The following CDH13 variants were observed in gnomAD, a reference collection of about 807,000 sequenced individuals.
The protein encoded by CDH13 is cadherin 13, also known as cadherin-13.
CDH13 carries 24 observed loss-of-function variants against 63.8 expected under a neutral mutation model. That is an observed-to-expected ratio of 0.38 (90% CI 0.27 to 0.53). CDH13 has a LOEUF of 0.53. Ranked by LOEUF, CDH13 falls within the 20% of genes least tolerant of loss-of-function variation. The pLI is 0.85. For missense variants in CDH13, 1,049 were observed against 903.1 expected, an observed-to-expected ratio of 1.16 and a Z score of -2.07; for synonymous variants, 503 against 355.3, an observed-to-expected ratio of 1.42 and a Z score of -4.67.
rs150212893 is a variant in CDH13, at chr16:83,218,995, A to G, written c.636+1498A>G. The stretch of plus-strand genomic sequence containing the variant: ...CCATGATTGTGAGGCCTCCCCAGCC[A>G]TGTGGAACTGTGAGTTCATTAAATC... On this transcript the variant is annotated intron_variant, in intron 5 of 13. Transcript: ENST00000567109. Among the ~76,000 whole-genome samples, 655 of 152,262 alleles carry G rather than the reference A, an allele frequency of 4.3e-3. 3 individuals carry two copies. The highest frequency in any genetic ancestry group is 0.014 in the African/African-American group (586 of 41,544).
chr16:83,247,837 G>C (rs1464520496), intron 5 of CDH13, among the ~76,000 whole-genome samples: 2 of 152,186 alleles, frequency 1.3e-5, no homozygotes, highest in African/African-American at 4.8e-5. Flanking sequence ...ATATCATCTA[G>C]TGAGTCAGAG....
At chr16:82,929,106 G>A (rs1013017954) in intron 2 of CDH13, among the ~76,000 whole-genome samples, 7 of 152,056 alleles carry the variant, frequency 4.6e-5, no homozygotes, top group African/African-American at 9.7e-5. Context: ...TAAAAAATAT[G>A]CTATCATTCC....
intron 6 of CDH13, among the ~76,000 whole-genome samples, chr16:83,346,608 G>T (rs2090845206): frequency 6.6e-6 from 1 of 152,130 alleles, no homozygotes; most frequent in South Asian, 2.1e-4. Flanking sequence ...TATTATGTGT[G>T]TATATGATTA....
At chr16:83,379,938 T>TAGAG (rs71148831) in intron 6 of CDH13, among the ~76,000 whole-genome samples, 15,424 of 123,322 alleles carry the variant, frequency 0.13, 1,086 homozygotes, top group South Asian at 0.19. Context: ...TATATATATA[T>TAGAG]AGAGAGAGAG....
intron 1 of CDH13, among the ~76,000 whole-genome samples, chr16:82,796,712 C>G (rs917598663): frequency 6.6e-6 from 1 of 152,222 alleles, no homozygotes; most frequent in Non-Finnish European, 1.5e-5. Context: ...AAGATGGATT[C>G]TTGGAGCTTC....
At chr16:83,375,897 G>A (rs964208557) in intron 6 of CDH13, among the ~76,000 whole-genome samples, 1 of 152,162 alleles carries the variant, frequency 6.6e-6, no homozygotes. Flanking sequence ...GAAAGGCCAT[G>A]ATACAGGTGT....
intron 2 of CDH13, among the ~76,000 whole-genome samples, chr16:83,026,881 C>T (rs1281780816): frequency 6.6e-6 from 1 of 152,148 alleles, no homozygotes; most frequent in Non-Finnish European, 1.5e-5. Context: ...GGCACCACCT[C>T]TGACTTCACC....
intron 5 of CDH13, among the ~76,000 whole-genome samples, chr16:83,310,857 C>T (rs959335132): frequency 2.6e-5 from 4 of 152,178 alleles, no homozygotes; most frequent in Non-Finnish European, 4.4e-5. Context: ...AGGAACCCTC[C>T]TAACAAACCC....
intron 6 of CDH13, among the ~76,000 whole-genome samples, chr16:83,433,071 C>A (rs1184397461): frequency 6.6e-6 from 1 of 152,150 alleles, no homozygotes; most frequent in South Asian, 2.1e-4. Context: ...TGTCATGCTT[C>A]TGGGGAATGA....
intron 2 of CDH13, among the ~76,000 whole-genome samples, chr16:83,027,101 G>A (rs1455324862): frequency 8.4e-6 from 1 of 118,558 alleles, no homozygotes; most frequent in Non-Finnish European, 1.7e-5. Context: ...ACAGAAGGGA[G>A]ACCCCCCCCC....
rs375949193 is a variant in CDH13, at chr16:83,380,290, G to A, written c.781+35284G>A. On this transcript the variant is annotated intron_variant, in intron 6 of 13. Coordinates refer to ENST00000567109, the MANE Select transcript of CDH13 (RefSeq NM_001257.5). The stretch of plus-strand genomic sequence containing the variant: ...GGCAATTCCAGATGGTGGGTGTGCT[G>A]ATTTTCATACTATTGTTCTTTGTGC... Among the ~76,000 whole-genome samples the A allele has an allele frequency of 2.5e-4, 38 of 152,256 alleles. No individual in the cohort carries two copies. The East Asian group carries it at 5.4e-3, about 22-fold the overall frequency.
At chr16:83,111,625 A>G (rs1326900577) in intron 3 of CDH13, among the ~76,000 whole-genome samples, 6 of 152,218 alleles carry the variant, frequency 3.9e-5, no homozygotes, top group Non-Finnish European at 8.8e-5. Context: ...AGGGAGTGTC[A>G]TAATTACATT....
At chr16:83,562,426 C>T (rs2075725406) in intron 7 of CDH13, among the ~76,000 whole-genome samples, 1 of 152,202 alleles carries the variant, frequency 6.6e-6, no homozygotes, top group Non-Finnish European at 1.5e-5. Flanking sequence ...AGGCAATTGT[C>T]TCAATCGGAT....
Position 83,215,893 on chromosome 16 carries a change from T to G in CDH13, c.484-1452T>G, listed in dbSNP as rs1177555278. 2.0e-5 allele frequency among the ~76,000 whole-genome samples: 3 copies of G among 152,158 alleles called. No individual in the cohort carries two copies. The East Asian group carries it at 5.8e-4, about 29-fold the overall frequency. On this transcript the variant is annotated intron_variant, in intron 4 of 13. Coordinates refer to ENST00000567109, the MANE Select transcript of CDH13 (RefSeq NM_001257.5). ...ACGTTTGAAGGTTCTGATGATAAAG[T>G]GACATAAATATAGATGAATACTTGA...
chr16:83,788,015 G>T lies in CDH13; in HGVS notation c.2134+4543G>T, dbSNP rs143219529. 3.3e-5 allele frequency among the ~76,000 whole-genome samples: 5 copies of T among 152,338 alleles called. No homozygotes were observed. In the East Asian group the frequency reaches 9.6e-4, roughly 29 times the overall value. On this transcript the variant is annotated intron_variant, in intron 13 of 13. Transcript: ENST00000567109. ...TAAATCGGAGAGCAGTACTTCCTAT[G>T]TGATTGCAAAGAGATAAAAATTCTA...
intron 2 of CDH13, among the ~76,000 whole-genome samples, chr16:83,024,171 G>C (rs1915595383): frequency 6.6e-6 from 1 of 152,170 alleles, no homozygotes; most frequent in Non-Finnish European, 1.5e-5. Context: ...CATTTCCAGA[G>C]GGTACAACAA....
intron 3 of CDH13, among the ~76,000 whole-genome samples, chr16:83,124,970 C>A (rs1336082340): frequency 2.0e-5 from 3 of 152,142 alleles, no homozygotes; most frequent in Non-Finnish European, 4.4e-5. Flanking sequence ...TAACTTAGTT[C>A]TTTTCACTTA....
chr16:82,690,164 CAAAAAAAA>C (rs35051579), intron 1 of CDH13, among the ~76,000 whole-genome samples: 5 of 52,040 alleles, frequency 9.6e-5, no homozygotes, highest in Non-Finnish European at 1.7e-4. Flanking sequence ...AACTCTGTCT[CAAAAAAAA>C]AAAAAAAAAA....
At chr16:83,002,937 G>C (rs147688394) in intron 2 of CDH13, among the ~76,000 whole-genome samples, 10 of 152,158 alleles carry the variant, frequency 6.6e-5, no homozygotes, top group Non-Finnish European at 1.3e-4. Flanking sequence ...TATCTATTGA[G>C]CATGTACCAA....
Sources: allele counts gnomAD v4.1 joint callset (sites outside exome capture counted in the v4.1 genomes callset), GRCh38; gene constraint gnomAD v4.1.1; transcripts MANE v1.5; gene names NCBI Gene and HGNC (gene_info 2026-07-23, HGNC 2026-07-21).